ZFPM2: variants seen among roughly 807,000 people sequenced by gnomAD.
The protein encoded by ZFPM2 is zinc finger protein ZFPM2.
Under a neutral mutation model 98.6 loss-of-function variants are expected in ZFPM2, and 20 were observed. The observed-to-expected ratio is 0.20, with a 90% CI of 0.14 to 0.29. ZFPM2 has a LOEUF of 0.29. ZFPM2 is among the 10% of genes least tolerant of loss of function. The pLI is 1.00. For synonymous variants in ZFPM2, 518 were observed against 502.7 expected (o/e 1.03, Z -0.41); for missense variants, 1,310 against 1,388.6 (o/e 0.94, Z 0.90).
At chr8:105,446,960 A>G (rs996170031) in intron 3 of ZFPM2, among the ~76,000 whole-genome samples, 2 of 152,156 alleles carry the variant, frequency 1.3e-5, no homozygotes, top group African/African-American at 4.8e-5. Context: ...GCTATTGCAT[A>G]AACAGCAATT....
At chr8:105,589,360 C>T (rs1815794956) in intron 4 of ZFPM2, among the ~76,000 whole-genome samples, 2 of 152,294 alleles carry the variant, frequency 1.3e-5, no homozygotes, top group Admixed American at 1.3e-4. Context: ...AGGAAGCTAC[C>T]TTGACAAATC....
chr8:105,720,836 C>T (rs1406169112), intron 5 of ZFPM2, among the ~76,000 whole-genome samples: 3 of 151,870 alleles, frequency 2.0e-5, no homozygotes, highest in Admixed American at 1.3e-4. Context: ...TTCGGATGGG[C>T]TCTGAAAGGA....
intron 5 of ZFPM2, among the ~76,000 whole-genome samples, chr8:105,708,937 T>A (rs1215324138): frequency 6.6e-6 from 1 of 152,204 alleles, no homozygotes; most frequent in Non-Finnish European, 1.5e-5. Context: ...ATTTTCGAAC[T>A]CTTTTCATAG....
chr8:105,774,262 G>T (rs538965014), intron 5 of ZFPM2, among the ~76,000 whole-genome samples: 1 of 152,134 alleles, frequency 6.6e-6, no homozygotes, highest in South Asian at 2.1e-4. Flanking sequence ...TTTAACCGTA[G>T]ATTGTAAAGA....
In ZFPM2 at chr8:105,803,850, G is replaced by T. The variant is rs1352462934; in HGVS notation, c.*312G>T. 1.2e-5 allele frequency: 3 copies of T among 256,054 alleles called. No individual in the cohort carries two copies. The East Asian group carries it at 2.6e-4, about 23-fold the overall frequency. 15.9% of individuals were successfully genotyped at this position (256,054 alleles called of 1,614,324 possible). On this transcript the variant is annotated 3_prime_UTR_variant, in exon 8 of 8. Transcript: ENST00000407775. ...AGTTATTGTGTAGCACATATGGTTT[G>T]CACTGTATAGTAGCTTTTAAAGAAA... is the stretch of plus-strand genomic sequence containing the variant.
intron 5 of ZFPM2, among the ~76,000 whole-genome samples, chr8:105,650,088 G>C (rs7824998): frequency 0.48 from 72,317 of 151,850 alleles, 17,506 homozygotes; most frequent in African/African-American, 0.56. Context: ...CAACTTCTCC[G>C]AAGACTAAAG....
At chr8:105,372,584 G>C (rs1306745040) in intron 1 of ZFPM2, among the ~76,000 whole-genome samples, 1 of 152,048 alleles carries the variant, frequency 6.6e-6, no homozygotes, top group Non-Finnish European at 1.5e-5. Context: ...CTGGTAGATG[G>C]AAAAGTATTC....
chr8:105,534,211 C>T (rs1228328455), intron 3 of ZFPM2, among the ~76,000 whole-genome samples: 28 of 64,124 alleles, frequency 4.4e-4, no homozygotes, highest in Non-Finnish European at 2.6e-4. Context: ...CTCCCTTCTT[C>T]CTTCTTTTCT....
At chr8:105,577,247 C>G (rs1481995093) in intron 4 of ZFPM2, among the ~76,000 whole-genome samples, 1 of 152,064 alleles carries the variant, frequency 6.6e-6, no homozygotes, top group African/African-American at 2.4e-5. Flanking sequence ...TTAAATAGAA[C>G]TGAATTCTGT....
chr8:105,521,943 T>C (rs1273891725), intron 3 of ZFPM2, among the ~76,000 whole-genome samples: 2 of 152,166 alleles, frequency 1.3e-5, no homozygotes, highest in African/African-American at 4.8e-5. Context: ...TAAACACCTA[T>C]TATGTAAGTG....
intron 3 of ZFPM2, among the ~76,000 whole-genome samples, chr8:105,455,536 A>G (rs938605194): frequency 2.6e-5 from 4 of 152,188 alleles, no homozygotes; most frequent in African/African-American, 4.8e-5. Flanking sequence ...ATTTAAACTC[A>G]AAGCCAATCT....
Position 105,460,319 on chromosome 8 carries a change from G to A in ZFPM2, c.301+15938G>A, listed in dbSNP as rs548811555. 2.0e-5 allele frequency among the ~76,000 whole-genome samples: 3 copies of A among 152,288 alleles called. 1 individual carries two copies. Among genetic ancestry groups the A allele is most frequent in the African/African-American group, 7.2e-5 (3 of 41,566 alleles). ...ATAAAGAAGGTCTCAAAAGGAAGAG[G>A]CTTTGCTTGAGGCAAAATTGGGGAA... On this transcript the variant is annotated intron_variant, in intron 3 of 7. Coordinates refer to ENST00000407775, the MANE Select transcript of ZFPM2 (RefSeq NM_012082.4).
chr8:105,775,783 A>T (rs1265905348), intron 5 of ZFPM2, among the ~76,000 whole-genome samples: 1 of 152,162 alleles, frequency 6.6e-6, no homozygotes, highest in Non-Finnish European at 1.5e-5. Flanking sequence ...CTCAGGGCAC[A>T]AACCCCAGAA....
At chr8:105,755,587 G>A (rs1254076787) in intron 5 of ZFPM2, among the ~76,000 whole-genome samples, 1 of 152,032 alleles carries the variant, frequency 6.6e-6, no homozygotes, top group African/African-American at 2.4e-5. Context: ...AATCTTTATA[G>A]GAAGAACAAT....
intron 5 of ZFPM2, among the ~76,000 whole-genome samples, chr8:105,735,077 C>T (rs1388475492): frequency 1.4e-5 from 2 of 147,690 alleles, no homozygotes; most frequent in African/African-American, 2.5e-5. Flanking sequence ...TCCCTTTGCA[C>T]CAACCTAATA....
chr8:105,378,327 T>C (rs1810772229), intron 1 of ZFPM2, among the ~76,000 whole-genome samples: 1 of 152,160 alleles, frequency 6.6e-6, no homozygotes, highest in Non-Finnish European at 1.5e-5. Context: ...TTTTAATCCA[T>C]AGTTAAGACA....
chr8:105,381,725 T>C (rs1167882509), intron 1 of ZFPM2, among the ~76,000 whole-genome samples: 2 of 152,140 alleles, frequency 1.3e-5, no homozygotes, highest in Non-Finnish European at 2.9e-5. Context: ...CATATATATA[T>C]GAATATTTTC....
chr8:105,667,198 A>G (rs1007459457), intron 5 of ZFPM2, among the ~76,000 whole-genome samples: 4 of 152,232 alleles, frequency 2.6e-5, no homozygotes, highest in African/African-American at 7.2e-5. Context: ...AAAGCTTTCA[A>G]GCAAAAATTA....
intron 1 of ZFPM2, among the ~76,000 whole-genome samples, chr8:105,330,593 T>TACAC (rs1183886414): frequency 2.5e-5 from 1 of 40,390 alleles, no homozygotes; most frequent in African/African-American, 9.7e-5. Context: ...TATATATATA[T>TACAC]ACATATATAT....
Sources: allele counts gnomAD v4.1 joint callset (sites outside exome capture counted in the v4.1 genomes callset), GRCh38; gene constraint gnomAD v4.1.1; transcripts MANE v1.5; gene names NCBI Gene and HGNC (gene_info 2026-07-23, HGNC 2026-07-21).